RCL1: variants seen among roughly 807,000 people sequenced by gnomAD.
RCL1 encodes RNA 3'-terminal phosphate cyclase-like protein.
RCL1 carries 24 observed loss-of-function variants against 42.4 expected under a neutral mutation model. That is an observed-to-expected ratio of 0.57 (90% CI 0.41 to 0.80). The LOEUF (loss-of-function observed/expected upper bound fraction) is 0.80. Among genes scored for constraint, RCL1 ranks in the 30% least tolerant of loss-of-function variants. The pLI, the probability that RCL1 is intolerant of heterozygous loss-of-function variation, is 0.00. For synonymous variants in RCL1, 228 were observed against 177.3 expected (o/e 1.29, Z -2.27); for missense variants, 578 against 467.9 (o/e 1.24, Z -2.17).
intron 1 of RCL1, among the ~76,000 whole-genome samples, chr9:4,795,563 A>T (rs1842900997): frequency 6.6e-6 from 1 of 152,182 alleles, no homozygotes; most frequent in Non-Finnish European, 1.5e-5. Flanking sequence ...TGGTAGCTTG[A>T]TTGAAGATGT....
intron 1 of RCL1, among the ~76,000 whole-genome samples, chr9:4,800,769 C>T (rs1009052409): frequency 2.0e-5 from 3 of 151,496 alleles, no homozygotes; most frequent in African/African-American, 7.3e-5. Context: ...TCTCCTGCCT[C>T]AGCCTCCAGA....
At chr9:4,858,111 A>C (rs1053570521) in intron 8 of RCL1, among the ~76,000 whole-genome samples, 2 of 151,848 alleles carry the variant, frequency 1.3e-5, no homozygotes, top group African/African-American at 4.8e-5. Flanking sequence ...CCAGGCCCCA[A>C]GCAATTTGCC....
At chr9:4,855,510 G>A (rs1169381848) in intron 8 of RCL1, among the ~76,000 whole-genome samples, 1 of 152,162 alleles carries the variant, frequency 6.6e-6, no homozygotes. Context: ...GTTGGGCTGT[G>A]GAGCAGGACG....
At position 4,860,057 on chromosome 9, in the gene RCL1, G is replaced by T. The variant is rs143404020; in HGVS notation, c.972-68G>T. 6 of 1,122,830 alleles carry T rather than the reference G, an allele frequency of 5.3e-6. No homozygotes were observed. In the Admixed American group the frequency reaches 1.7e-4, roughly 32 times the overall value. 69.6% of individuals were successfully genotyped at this position (1,122,830 alleles called of 1,614,324 possible). A position where few individuals can be genotyped will look rare whatever the true frequency, so the allele number is the denominator to read the frequency against. ...GGGAGATTAAAACCTTGGATTCTAG[G>T]TGGTAGAGGATAATTTTTTTTTGAA... On this transcript the variant is annotated intron_variant, in intron 8 of 8. Coordinates refer to ENST00000381750, the MANE Select transcript of RCL1 (RefSeq NM_005772.5).
At chr9:4,823,256 AT>A (rs1294702836) in intron 1 of RCL1, among the ~76,000 whole-genome samples, 1 of 149,622 alleles carries the variant, frequency 6.7e-6, no homozygotes, top group Non-Finnish European at 1.5e-5. Flanking sequence ...TGAAAGTAAT[AT>A]CCCATTAGAT....
intron 7 of RCL1, among the ~76,000 whole-genome samples, chr9:4,846,923 T>G (rs1817537074): frequency 8.4e-6 from 1 of 119,414 alleles, no homozygotes; most frequent in Non-Finnish European, 1.8e-5. Flanking sequence ...AGTCTCACTC[T>G]TTCCCAGGCT....
chr9:4,831,728 A>T (rs949333495), intron 3 of RCL1, among the ~76,000 whole-genome samples: 3 of 152,164 alleles, frequency 2.0e-5, no homozygotes, highest in African/African-American at 7.2e-5. Flanking sequence ...TGGTTTTCCT[A>T]GTTTCCCCTG....
chr9:4,813,222 A>G (rs112028815), intron 1 of RCL1, among the ~76,000 whole-genome samples: 3,359 of 152,290 alleles, frequency 0.022, 123 homozygotes, highest in African/African-American at 0.077. Context: ...TGCACAGCAA[A>G]AGAAACTACC....
chr9:4,858,746 C>T lies in RCL1; in HGVS notation c.972-1379C>T, dbSNP rs539888655. Among the ~76,000 whole-genome samples, 31 of 100,822 alleles carry T rather than the reference C, an allele frequency of 3.1e-4. No individual in the cohort carries two copies. In the East Asian group the frequency reaches 0.011, roughly 35 times the overall value. The allele number at this position is 100,822 out of a possible 152,430, so 66.1% of individuals were successfully genotyped here. On this transcript the variant is annotated intron_variant, in intron 8 of 8. Transcript: ENST00000381750. ...CTCCTTAGGTTATTCCATGTGCAGT[C>T]GAGATTGAGAACCATCTGGCCAGAG...
intron 1 of RCL1, among the ~76,000 whole-genome samples, chr9:4,806,379 C>T (rs1815962949): frequency 6.6e-6 from 1 of 152,008 alleles, no homozygotes; most frequent in East Asian, 1.9e-4. Flanking sequence ...TTTAAAAAGT[C>T]AAGTTGAGAA....
At chr9:4,826,490 A>T (rs1470000358) in intron 2 of RCL1, among the ~76,000 whole-genome samples, 1 of 152,114 alleles carries the variant, frequency 6.6e-6, no homozygotes, top group Non-Finnish European at 1.5e-5. Context: ...TGGTGTGATG[A>T]TTTAAGCACA....
At chr9:4,832,516 G>T (rs534246919) in intron 3 of RCL1, among the ~76,000 whole-genome samples, 1 of 152,256 alleles carries the variant, frequency 6.6e-6, no homozygotes, top group East Asian at 1.9e-4. Context: ...ATAAGAATGA[G>T]TAGGGTTCTC....
At position 4,843,355 on chromosome 9, in the gene RCL1, C is replaced by A. The variant is rs1392706765; in HGVS notation, c.711-1170C>A. Among the ~76,000 whole-genome samples, 3 of 151,710 alleles carry A rather than the reference C, an allele frequency of 2.0e-5. No homozygotes were observed. In the East Asian group the frequency reaches 5.9e-4, roughly 30 times the overall value. On this transcript the variant is annotated intron_variant, in intron 6 of 8. Transcript: ENST00000381750. ...AGAATGCACATCAGTCCAGTGTGGT[C>A]CCATTTTAACTCTCACAGTAATTTT... is the stretch of plus-strand genomic sequence containing the variant.
At chr9:4,801,946 C>T (rs1178881875) in intron 1 of RCL1, among the ~76,000 whole-genome samples, 6 of 151,826 alleles carry the variant, frequency 4.0e-5, no homozygotes, top group African/African-American at 1.5e-4. Context: ...GAATCTCGCT[C>T]TGTTGCCGCT....
intron 5 of RCL1, among the ~76,000 whole-genome samples, chr9:4,839,342 T>G (rs1587722802): frequency 6.6e-6 from 1 of 152,184 alleles, no homozygotes; most frequent in Non-Finnish European, 1.5e-5. Context: ...AGTGTCTTAG[T>G]TTTTTTGTCT....
chr9:4,841,703 C>G (rs1385997201), intron 6 of RCL1, among the ~76,000 whole-genome samples: 1 of 152,192 alleles, frequency 6.6e-6, no homozygotes, highest in Non-Finnish European at 1.5e-5. Context: ...GAGTAAATAA[C>G]AGTATAGGGT....
chr9:4,828,547 T>G (rs920214164), intron 3 of RCL1, among the ~76,000 whole-genome samples: 9 of 9,806 alleles, frequency 9.2e-4, no homozygotes, highest in Non-Finnish European at 1.6e-3. Flanking sequence ...TAATTAAGTG[T>G]TTTTTTTTTT....
chr9:4,850,544 A>G (rs1817707939), intron 8 of RCL1, among the ~76,000 whole-genome samples: 1 of 140,366 alleles, frequency 7.1e-6, no homozygotes, highest in African/African-American at 2.7e-5. Flanking sequence ...TTAGAACAGG[A>G]AAATGGAAGA....
Position 4,859,361 on chromosome 9 carries a change from A to C in RCL1, c.972-764A>C, listed in dbSNP as rs1194683532. ...CTGTGTTGTTTGCTTTGTTTACATT[A>C]CATAGCACTTTTCAGGAATAAAATT... On this transcript the variant is annotated intron_variant, in intron 8 of 8. Coordinates refer to ENST00000381750, the MANE Select transcript of RCL1 (RefSeq NM_005772.5). 5.3e-5 allele frequency among the ~76,000 whole-genome samples: 8 copies of C among 152,348 alleles called. No individual in the cohort carries two copies. In the South Asian group the frequency reaches 8.3e-4, roughly 16 times the overall value.
Sources: gnomAD v4.1 joint callset for allele counts (sites outside exome capture counted in the v4.1 genomes callset) on GRCh38, gnomAD v4.1.1 for gene constraint, MANE v1.5 for transcripts, NCBI Gene and HGNC (gene_info 2026-07-23, HGNC 2026-07-21) for gene names.